POMT2: variants seen among roughly 807,000 people sequenced by gnomAD.
POMT2 encodes protein O-mannosyl-transferase 2.
POMT2 carries 75 observed loss-of-function variants against 100.0 expected under a neutral mutation model. The observed-to-expected ratio is 0.75, with a 90% CI of 0.62 to 0.91. POMT2 has a LOEUF of 0.91. Among genes scored for constraint, POMT2 ranks in the 40% least tolerant of loss-of-function variants. The pLI is 0.00. For missense variants in POMT2, 940 were observed against 955.1 expected, an observed-to-expected ratio of 0.98 and a Z score of 0.21; for synonymous variants, 378 against 374.1, an observed-to-expected ratio of 1.01 and a Z score of -0.12.
Position 77,279,907 on chromosome 14 carries a change from A to G in POMT2, c.1807T>C (p.Leu603=). 2 of 1,614,100 alleles carry G rather than the reference A, an allele frequency of 1.2e-6. No individual in the cohort carries two copies. The highest frequency in any genetic ancestry group is 1.7e-6 in the Non-Finnish European group (2 of 1,179,990). ...GAGAGGAGGTAGAGGGCGATGCTCAACAGATTCAGCCACCAAACCACCTGT... is the reference window on the plus strand; with the variant it reads ...GAGAGGAGGTAGAGGGCGATGCTCAGCAGATTCAGCCACCAAACCACCTGT... The part of the protein sequence containing the change: ...GNPVVWWLNL[L]SIALYLLSGS... Residue 603 remains leucine (L), a synonymous_variant, in exon 18 of 21, where the codon TTG becomes CTG. Transcript: ENST00000261534.
In POMT2 at chr14:77,315,765, C is replaced by A. The variant is rs184543125; in HGVS notation, c.249-3732G>T. Among the ~76,000 whole-genome samples, 15 of 152,282 alleles carry A rather than the reference C, an allele frequency of 9.9e-5. No individual in the cohort carries two copies. The South Asian group carries it at 1.2e-3, about 13-fold the overall frequency. The stretch of plus-strand genomic sequence containing the variant: ...AGTGGCTCATGCCTGTAATCCCAAC[C>A]CTTTGGGAGGCCGAGGCGGGCGGAT... On this transcript the variant is annotated intron_variant, in intron 1 of 20. Coordinates refer to ENST00000261534, the MANE Select transcript of POMT2 (RefSeq NM_013382.7).
intron 12 of POMT2, 123 bp from the exon 13 acceptor site, chr14:77,285,755 C>T: frequency 1.7e-6 from 2 of 1,161,882 alleles, no homozygotes; most frequent in Non-Finnish European, 2.6e-6. Flanking sequence ...AAATTAGGCT[C>T]AATGATAGAG....
At chr14:77,292,023 C>CT (rs1404045476) in intron 9 of POMT2, among the ~76,000 whole-genome samples, 1 of 151,862 alleles carries the variant, frequency 6.6e-6, no homozygotes, top group Non-Finnish European at 1.5e-5. Flanking sequence ...GAGCAAGACT[C>CT]TATCTTGGGA....
At position 77,320,429 on chromosome 14, in the gene POMT2, C is replaced by G. The variant is rs587777816; in HGVS notation, c.248+5G>C. 1.3e-5 allele frequency: 20 copies of G among 1,546,540 alleles called. No homozygotes were observed. The highest frequency in any genetic ancestry group is 1.6e-5 in the Non-Finnish European group (18 of 1,146,880). On this transcript the variant is annotated splice_donor_5th_base_variant and intron_variant, in intron 1 of 20. Transcript: ENST00000261534. ...GGTGCCCGCCGAGTCCCTCCCATCA[C>G]TCACCAGATGTGCGGCGGCTCGTCC...
At chr14:77,318,474 T>A (rs564029053) in intron 1 of POMT2, among the ~76,000 whole-genome samples, 3 of 152,298 alleles carry the variant, frequency 2.0e-5, no homozygotes, top group Non-Finnish European at 2.9e-5. Context: ...CCACCTTCTA[T>A]CAATGCGGCT....
Position 77,311,971 on chromosome 14 carries a change from TCA to T in POMT2, c.309_310del (p.Phe103LeufsTer21). 1 of 1,613,948 alleles carries T rather than the reference TCA, an allele frequency of 6.2e-7. No individual in the cohort carries two copies. The highest frequency in any genetic ancestry group is 8.5e-7 in the Non-Finnish European group (1 of 1,179,964). On this transcript the variant is annotated frameshift_variant, in exon 2 of 21. Coordinates refer to ENST00000261534, the MANE Select transcript of POMT2 (RefSeq NM_013382.7). LOFTEE classifies it high-confidence loss of function. Reference sequence around the variant, plus strand: ...CACCTTTCCCAGGGGCGGGTGCACATCAAAGAAAAATGTACGGTTGATATAGT... The same window carrying T: ...CACCTTTCCCAGGGGCGGGTGCACATAAGAAAAATGTACGGTTGATATAGT...
chr14:77,301,376 C>T, intron 5 of POMT2, 127 bp from the exon 6 acceptor site: 3 of 1,255,092 alleles, frequency 2.4e-6, no homozygotes, highest in Non-Finnish European at 3.4e-6. Flanking sequence ...GGGCTCTTAG[C>T]CTCAAGGGAC....
At chr14:77,286,424 A>G (rs924050607) in intron 12 of POMT2, among the ~76,000 whole-genome samples, 1 of 152,218 alleles carries the variant, frequency 6.6e-6, no homozygotes, top group Non-Finnish European at 1.5e-5. Flanking sequence ...CTGGGGTCAT[A>G]TTGTGGGTCC....
intron 18 of POMT2, chr14:77,279,072 G>A (rs1890101669): frequency 2.9e-6 from 2 of 699,688 alleles, no homozygotes; most frequent in Non-Finnish European, 5.0e-6. Context: ...AGTGAGGCCT[G>A]GGCACCAATG....
At chr14:77,319,809 G>C (rs928870960) in intron 1 of POMT2, among the ~76,000 whole-genome samples, 2 of 152,170 alleles carry the variant, frequency 1.3e-5, no homozygotes, top group Non-Finnish European at 2.9e-5. Context: ...ACAATAACAA[G>C]CTAATTTATT....
chr14:77,284,961 A>C lies in POMT2; in HGVS notation c.1565T>G (p.Ile522Ser). 1 of 1,610,004 alleles carries C rather than the reference A, an allele frequency of 6.2e-7. No individual in the cohort carries two copies. The highest frequency in any genetic ancestry group is 8.5e-7 in the Non-Finnish European group (1 of 1,176,224). Residue 522 changes from isoleucine to serine, a missense_variant, in exon 14 of 21, where the codon ATC becomes AGC. By Grantham distance (142) the Ile-to-Ser change is moderately radical. Coordinates refer to ENST00000261534, the MANE Select transcript of POMT2 (RefSeq NM_013382.7). The part of the protein sequence containing the change: ...LNSIWNVEDH[I>S]NPKLPNISLD... ...GTGACCTCACTCACACTTGGGATTG[A>C]TATGGTCCTCCACATTCCAGATGGA...
In POMT2 at chr14:77,286,675, C is replaced by T. The variant is rs1238175029; in HGVS notation, c.1332+69G>A. On this transcript the variant is annotated intron_variant, in intron 12 of 20. Transcript: ENST00000261534. ...TTCCAGAATTCTGGGGAGGAGATAT[C>T]CCACCACACAGCCCTGAGCCAAGGC... The T allele has an allele frequency of 2.3e-5, 37 of 1,597,496 alleles. No homozygotes were observed. The Middle Eastern group carries it at 3.6e-3, about 157-fold the overall frequency.
rs762148813 is a variant in POMT2, at chr14:77,279,871, T to C, written c.1843A>G (p.Ile615Val). 3.1e-6 allele frequency: 5 copies of C among 1,613,824 alleles called. No homozygotes were observed. The African/African-American group carries it at 5.3e-5, about 17-fold the overall frequency. ...IALYLLSGSI[I>V]AVAMQRGARL... Reference sequence around the variant, plus strand: ...GCCCCTCTCTGCATGGCTACAGCAATGATGCTCCCTGAGAGGAGGTAGAGG... The same window carrying C: ...GCCCCTCTCTGCATGGCTACAGCAACGATGCTCCCTGAGAGGAGGTAGAGG... Residue 615 changes from isoleucine (I) to valine (V), a missense_variant, in exon 18 of 21, where the codon ATT (isoleucine) becomes GTT (valine). Ile to Val is a conservative substitution (Grantham distance 29). Transcript: ENST00000261534.
chr14:77,283,934 T>C lies in POMT2; in HGVS notation c.1577-61A>G, dbSNP rs560529978. ...ATACATTCTTTCCTCAGTCTGTCCA[T>C]GGTGTCCACATTCCCACCAGAATCC... On this transcript the variant is annotated intron_variant, in intron 14 of 20. Transcript: ENST00000261534. 1.2e-5 allele frequency: 16 copies of C among 1,391,078 alleles called. No homozygotes were observed. The African/African-American group carries it at 1.3e-4, about 11-fold the overall frequency. 86.2% of individuals were successfully genotyped at this position (1,391,078 alleles called of 1,614,324 possible). A position where few individuals can be genotyped will look rare whatever the true frequency, so the allele number is the denominator to read the frequency against.
At chr14:77,278,542 G>A in intron 19 of POMT2, 34 bp from the exon 20 acceptor site, 1 of 1,447,808 alleles carries the variant, frequency 6.9e-7, no homozygotes. Context: ...GAGTCAGCCA[G>A]GCAGGGGGTG....
intron 10 of POMT2, among the ~76,000 whole-genome samples, chr14:77,290,168 G>A (rs932186038): frequency 6.6e-5 from 10 of 152,276 alleles, no homozygotes; most frequent in Admixed American, 3.9e-4. Flanking sequence ...TAATCACTTC[G>A]ATGAAATGCA....
chr14:77,312,291 T>C (rs1353271770), intron 1 of POMT2: 5 of 401,750 alleles, frequency 1.2e-5, no homozygotes, highest in South Asian at 7.5e-5. Context: ...AATATACATA[T>C]ACTTACTCTG....
In POMT2 at chr14:77,312,050, A is replaced by C. The variant is rs1338260159; in HGVS notation, c.249-17T>G. 6.2e-7 allele frequency: 1 copy of C among 1,613,130 alleles called. No homozygotes were observed. The highest frequency in any genetic ancestry group is 1.7e-5 in the Admixed American group (1 of 59,918). On this transcript the variant is annotated splice_polypyrimidine_tract_variant and intron_variant, in intron 1 of 20. Coordinates refer to ENST00000261534, the MANE Select transcript of POMT2 (RefSeq NM_013382.7). The stretch of plus-strand genomic sequence containing the variant: ...TCATCCCAACTAAAGGAAACACAGA[A>C]AGAGAAACAAGAATTTTAAAATTAT...
In POMT2 at chr14:77,299,684, A is replaced by ACG. The variant is rs1890952232; in HGVS notation, c.817-124_817-123insCG. On this transcript the variant is annotated intron_variant, in intron 6 of 20. Coordinates refer to ENST00000261534, the MANE Select transcript of POMT2 (RefSeq NM_013382.7). ...ATAATCATAAAAAATGGCCAAGAGG[A>ACG]GAGAGAAGAATATGTGGAAACCCTA... 4.0e-6 allele frequency: 3 copies of ACG among 752,072 alleles called. No individual in the cohort carries two copies. In the South Asian group the frequency reaches 4.3e-5, roughly 11 times the overall value. The allele number at this position is 752,072 out of a possible 1,614,324, so 46.6% of individuals were successfully genotyped here.
Sources: gnomAD v4.1 joint callset for allele counts (sites outside exome capture counted in the v4.1 genomes callset) on GRCh38, gnomAD v4.1.1 for gene constraint, MANE v1.5 for transcripts, NCBI Gene and HGNC (gene_info 2026-07-23, HGNC 2026-07-21) for gene names.